Variants in BET1L observed in about 807,000 individuals in gnomAD.
BET1L encodes the protein Bet1 golgi vesicular membrane trafficking protein like.
In BET1L, 13 loss-of-function variants were observed where a neutral mutation model predicts 12.6. The observed-to-expected ratio is 1.03, with a 90% CI of 0.67 to 1.64. The LOEUF is 1.64. BET1L is among the 40% of genes most tolerant of loss of function. The pLI is 0.00. For synonymous variants in BET1L, 60 were observed against 56.9 expected (o/e 1.05, Z -0.25); for missense variants, 154 against 150.7 (o/e 1.02, Z -0.11).
chr11:204,536 G>C lies in BET1L; in HGVS notation c.*766C>G, dbSNP rs997182868. 1 of 152,278 alleles carries C rather than the reference G, an allele frequency of 6.6e-6. No individual in the cohort carries two copies. Among genetic ancestry groups the C allele is most frequent in the Non-Finnish European group, 1.5e-5 (1 of 68,088 alleles). 9.4% of individuals were successfully genotyped at this position (152,278 alleles called of 1,614,324 possible). A position where few individuals can be genotyped will look rare whatever the true frequency, so the allele number is the denominator to read the frequency against. ...GCCAGACAGGCCCATTTCTAGGTCT[G>C]TTCTCCTGAAAATACATCTTTGGTG... On this transcript the variant is annotated 3_prime_UTR_variant, in exon 4 of 4. Transcript: ENST00000382762.
chr11:206,923 G>C (rs569954119), intron 1 of BET1L: 2 of 277,852 alleles, frequency 7.2e-6, no homozygotes, highest in South Asian at 7.2e-5. Flanking sequence ...GCCAAAGTAA[G>C]AGTCCTGCTT....
Position 204,797 on chromosome 11 carries a change from G to A in BET1L, c.*505C>T, listed in dbSNP as rs1855112960. 1 of 170,752 alleles carries A rather than the reference G, an allele frequency of 5.9e-6. No individual in the cohort carries two copies. The highest frequency in any genetic ancestry group is 1.3e-5 in the Non-Finnish European group (1 of 78,308). The allele number at this position is 170,752 out of a possible 1,614,324, so 10.6% of individuals were successfully genotyped here. A position where few individuals can be genotyped will look rare whatever the true frequency, so the allele number is the denominator to read the frequency against. On this transcript the variant is annotated 3_prime_UTR_variant, in exon 4 of 4. Coordinates refer to ENST00000382762, the MANE Select transcript of BET1L (RefSeq NM_001098787.2). The stretch of plus-strand genomic sequence containing the variant: ...CAGGAGTAACTGCCATCTCCAGGGT[G>A]AGAAGCCTCGGTCGGAGGAGATGAC...
At chr11:205,796 G>A in intron 2 of BET1L, 129 bp from the exon 3 acceptor site, 1 of 1,468,104 alleles carries the variant, frequency 6.8e-7, no homozygotes. Context: ...AGACAGAAAG[G>A]TCCAGGTGTC....
rs766487778 is a variant in BET1L at position 205,479 on chromosome 11, G to A, written c.169-10C>T. ...TTGTGAAATCCGAGTCCTAAGGGAG[G>A]AATCCCAGCAAGATCACACAGAAGT... On this transcript the variant is annotated splice_polypyrimidine_tract_variant and intron_variant, in intron 3 of 3. Transcript: ENST00000382762. 6.2e-7 allele frequency: 1 copy of A among 1,614,208 alleles called. No homozygotes were observed. Among genetic ancestry groups the A allele is most frequent in the South Asian group, 1.1e-5 (1 of 91,088 alleles).
At position 205,248 on chromosome 11, in the gene BET1L, G is replaced by A. The variant is rs114684276; in HGVS notation, c.*54C>T. On this transcript the variant is annotated 3_prime_UTR_variant, in exon 4 of 4. Coordinates refer to ENST00000382762, the MANE Select transcript of BET1L (RefSeq NM_001098787.2). ...AAGTCCTCTGGAGCCCAAAACACCA[G>A]GCAGGGAAGACCCTGGCTGCCCTTG... is the stretch of plus-strand genomic sequence containing the variant. 3,436 of 1,570,360 alleles carry A rather than the reference G, an allele frequency of 2.2e-3. 79 individuals carry two copies. The African/African-American group carries it at 0.042, about 19-fold the overall frequency.
At chr11:207,044 G>A in intron 1 of BET1L, 1 of 503,186 alleles carries the variant, frequency 2.0e-6, no homozygotes, top group East Asian at 3.6e-5. Flanking sequence ...GGGGGCGGCG[G>A]GGAGTGGGGA....
Position 207,172 on chromosome 11 carries a change from GC to G in BET1L, c.19+130del, listed in dbSNP as rs1235224313. 7 of 1,232,872 alleles carry G rather than the reference GC, an allele frequency of 5.7e-6. No individual in the cohort carries two copies. In the African/African-American group the frequency reaches 7.9e-5, roughly 14 times the overall value. 76.4% of individuals were successfully genotyped at this position (1,232,872 alleles called of 1,614,324 possible). ...CTCGGACCCGGAAGGATCCGAATCC[GC>G]CCCCCTGACAGGGTCCTCTCGGCCG... On this transcript the variant is annotated intron_variant, in intron 1 of 3. Coordinates refer to ENST00000382762, the MANE Select transcript of BET1L (RefSeq NM_001098787.2).
chr11:205,767 G>C, intron 2 of BET1L, 100 bp from the exon 3 acceptor site: 7 of 1,510,590 alleles, frequency 4.6e-6, no homozygotes, highest in Non-Finnish European at 6.3e-6. Flanking sequence ...AACTCTGCCA[G>C]ACACAGTGGG....
At position 207,359 on chromosome 11, in the gene BET1L, C is replaced by CGGCCACAGCCGCCTCAGACAT. The variant is rs1554887985; in HGVS notation, c.-39_-38insATGTCTGAGGCGGCTGTGGCC. The CGGCCACAGCCGCCTCAGACAT allele has an allele frequency of 2.7e-6, 4 of 1,506,420 alleles. No homozygotes were observed. Among genetic ancestry groups the CGGCCACAGCCGCCTCAGACAT allele is most frequent in the Non-Finnish European group, 3.5e-6 (4 of 1,132,084 alleles). The allele number at this position is 1,506,420 out of a possible 1,614,324, so 93.3% of individuals were successfully genotyped here. A position where few individuals can be genotyped will look rare whatever the true frequency, so the allele number is the denominator to read the frequency against. ...CGGCTCCTCGACGCGGACACCGACG[C>CGGCCACAGCCGCCTCAGACAT]GGCCACAGCCGCCTCAGACGTGGCG... On this transcript the variant is annotated 5_prime_UTR_variant, in exon 1 of 4. The change creates a new upstream start codon in the 5' untranslated region. Transcript: ENST00000382762.
intron 1 of BET1L, 37 bp from the exon 2 acceptor site, chr11:206,080 G>C (rs568453269): frequency 2.5e-6 from 4 of 1,585,306 alleles, no homozygotes; most frequent in Non-Finnish European, 3.5e-6. Context: ...TGCATCCATC[G>C]GTGAGCACGG....
At position 205,232 on chromosome 11, in the gene BET1L, G is replaced by A; in HGVS notation, c.*70C>T. The A allele has an allele frequency of 1.3e-6, 2 of 1,524,378 alleles. No individual in the cohort carries two copies. Among genetic ancestry groups the A allele is most frequent in the Non-Finnish European group, 8.8e-7 (1 of 1,130,378 alleles). The allele number at this position is 1,524,378 out of a possible 1,614,324, so 94.4% of individuals were successfully genotyped here. On this transcript the variant is annotated 3_prime_UTR_variant, in exon 4 of 4. Transcript: ENST00000382762. ...GGAGTATTTTGTAGGTAAGTCCTCT[G>A]GAGCCCAAAACACCAGGCAGGGAAG...
At position 205,334 on chromosome 11, in the gene BET1L, G is replaced by C; in HGVS notation, c.304C>G (p.Leu102Val). ...AVGLIVAFFI[L>V]SYFLSRART The stretch of plus-strand genomic sequence containing the variant: ...CTTGCCCTGGACAAGAAGTAGGAGA[G>C]GATGAAGAAGGCCACAATTAGACCC... Residue 102 changes from leucine to valine, a missense_variant, in exon 4 of 4, where the codon CTC (leucine) becomes GTC (valine). Leu to Val is a conservative substitution (Grantham distance 32). Coordinates refer to ENST00000382762, the MANE Select transcript of BET1L (RefSeq NM_001098787.2). 1 of 1,613,854 alleles carries C rather than the reference G, an allele frequency of 6.2e-7. No homozygotes were observed. The highest frequency in any genetic ancestry group is 8.5e-7 in the Non-Finnish European group (1 of 1,179,884).
rs1855131676 is a variant in BET1L, at chr11:205,679, A to C, written c.112-12T>G. 1 of 1,602,684 alleles carries C rather than the reference A, an allele frequency of 6.2e-7. No individual in the cohort carries two copies. Among genetic ancestry groups the C allele is most frequent in the Admixed American group, 1.7e-5 (1 of 59,866 alleles). Reference sequence around the variant, plus strand: ...ATGTCCAGGGCGAGCTGTTCAGCAGACAGAGAGGGCAGGGTTGGGCCAGAG... The same window carrying C: ...ATGTCCAGGGCGAGCTGTTCAGCAGCCAGAGAGGGCAGGGTTGGGCCAGAG... On this transcript the variant is annotated splice_polypyrimidine_tract_variant and intron_variant, in intron 2 of 3. Coordinates refer to ENST00000382762, the MANE Select transcript of BET1L (RefSeq NM_001098787.2).
At chr11:205,699 C>G (rs757589361) in intron 2 of BET1L, 32 bp from the exon 3 acceptor site, 2 of 1,594,630 alleles carry the variant, frequency 1.3e-6, no homozygotes, top group Non-Finnish European at 1.7e-6. Context: ...CAGGGTTGGG[C>G]CAGAGCAGAC....
rs775939823 is a variant in BET1L, at chr11:207,370, G to GCCTCAGACGTGGCCACAGCCA, written c.-50_-49insTGGCTGTGGCCACGTCTGAGG. The stretch of plus-strand genomic sequence containing the variant: ...CGCGGACACCGACGCGGCCACAGCC[G>GCCTCAGACGTGGCCACAGCCA]CCTCAGACGTGGCGCAGTCGCGGGG... On this transcript the variant is annotated 5_prime_UTR_variant, in exon 1 of 4. Coordinates refer to ENST00000382762, the MANE Select transcript of BET1L (RefSeq NM_001098787.2). 131 of 1,529,314 alleles carry GCCTCAGACGTGGCCACAGCCA rather than the reference G, an allele frequency of 8.6e-5. 1 individual carries two copies. In the East Asian group the frequency reaches 2.9e-3, roughly 34 times the overall value. 94.7% of individuals were successfully genotyped at this position (1,529,314 alleles called of 1,614,324 possible).
Position 207,383 on chromosome 11 carries a change from C to CCACAGCCGCCTCAGACGTGGG in BET1L, c.-63_-62insCCCACGTCTGAGGCGGCTGTG, listed in dbSNP as rs11274545. On this transcript the variant is annotated 5_prime_UTR_variant, in exon 1 of 4. Coordinates refer to ENST00000382762, the MANE Select transcript of BET1L (RefSeq NM_001098787.2). Reference sequence around the variant, plus strand: ...GCGGCCACAGCCGCCTCAGACGTGGCGCAGTCGCGGGGAAAGAGCTTCCGG... The same window carrying CCACAGCCGCCTCAGACGTGGG: ...GCGGCCACAGCCGCCTCAGACGTGGCCACAGCCGCCTCAGACGTGGGGCAGTCGCGGGGAAAGAGCTTCCGG... The CCACAGCCGCCTCAGACGTGGG allele has an allele frequency of 1.0e-5, 15 of 1,494,080 alleles. No individual in the cohort carries two copies. Among genetic ancestry groups the CCACAGCCGCCTCAGACGTGGG allele is most frequent in the Admixed American group, 2.2e-5 (1 of 45,746 alleles). 92.6% of individuals were successfully genotyped at this position (1,494,080 alleles called of 1,614,324 possible).
chr11:207,234 G>C (rs553945925), intron 1 of BET1L, 69 bp downstream of exon 1: 4 of 1,501,260 alleles, frequency 2.7e-6, no homozygotes, highest in Non-Finnish European at 3.5e-6. Flanking sequence ...AGGCGCACGC[G>C]GCTCTACAGG....
rs6144172 is a variant in BET1L, at chr11:207,359, C to G, written c.-38G>C. The G allele has an allele frequency of 3.9e-5, 59 of 1,506,518 alleles. No individual in the cohort carries two copies. The South Asian group carries it at 6.2e-4, about 16-fold the overall frequency. The allele number at this position is 1,506,518 out of a possible 1,614,324, so 93.3% of individuals were successfully genotyped here. On this transcript the variant is annotated 5_prime_UTR_variant, in exon 1 of 4. Coordinates refer to ENST00000382762, the MANE Select transcript of BET1L (RefSeq NM_001098787.2). Reference sequence around the variant, plus strand: ...CGGCTCCTCGACGCGGACACCGACGCGGCCACAGCCGCCTCAGACGTGGCG... The same window carrying G: ...CGGCTCCTCGACGCGGACACCGACGGGGCCACAGCCGCCTCAGACGTGGCG...
rs1181852768 is a variant in BET1L at position 202,966 on chromosome 11, T to A, written c.*2336A>T. 1 of 152,290 alleles carries A rather than the reference T, an allele frequency of 6.6e-6. No homozygotes were observed. The highest frequency in any genetic ancestry group is 1.5e-5 in the Non-Finnish European group (1 of 68,062). 9.4% of individuals were successfully genotyped at this position (152,290 alleles called of 1,614,324 possible). A position where few individuals can be genotyped will look rare whatever the true frequency, so the allele number is the denominator to read the frequency against. On this transcript the variant is annotated 3_prime_UTR_variant, in exon 4 of 4. Transcript: ENST00000382762. ...TATGTTTACTACAAATTTTTATTGT[T>A]AATGTTTCTCATCCTGAAATTATGG...
Sources: gnomAD v4.1 joint callset for allele counts on GRCh38, gnomAD v4.1.1 for gene constraint, MANE v1.5 for transcripts, NCBI Gene and HGNC (gene_info 2026-07-23, HGNC 2026-07-21) for gene names.